Variants in ATL2 observed in about 807,000 individuals in gnomAD.
The protein encoded by ATL2 is atlastin-2.
ATL2 carries 31 observed loss-of-function variants against 73.9 expected under a neutral mutation model. That is an observed-to-expected ratio of 0.42 (90% CI 0.32 to 0.57). ATL2 has a LOEUF of 0.57. Among genes scored for constraint, ATL2 ranks in the 20% least tolerant of loss-of-function variants. The pLI is 0.14. For missense variants in ATL2, 738 were observed against 702.6 expected (o/e 1.05, Z -0.57); for synonymous variants, 291 against 237.5 (o/e 1.23, Z -2.07).
intron 2 of ATL2, among the ~76,000 whole-genome samples, chr2:38,326,620 G>A (rs1668677789): frequency 6.6e-6 from 1 of 152,166 alleles, no homozygotes; most frequent in African/African-American, 2.4e-5. Flanking sequence ...AGAAAATCTT[G>A]AAAGAAGCCA....
intron 2 of ATL2, among the ~76,000 whole-genome samples, chr2:38,325,772 A>C (rs1668622630): frequency 6.9e-6 from 1 of 145,548 alleles, no homozygotes; most frequent in African/African-American, 2.5e-5. Flanking sequence ...CAGTCCCCAC[A>C]ACAAAAGCCT....
intron 9 of ATL2, among the ~76,000 whole-genome samples, chr2:38,304,289 T>C (rs1459761131): frequency 1.3e-5 from 2 of 152,214 alleles, no homozygotes; most frequent in African/African-American, 2.4e-5. Flanking sequence ...CCTAGAATAG[T>C]ATATCCAGTG....
At chr2:38,350,242 C>T (rs1171158257) in intron 1 of ATL2, among the ~76,000 whole-genome samples, 1 of 152,188 alleles carries the variant, frequency 6.6e-6, no homozygotes, top group Non-Finnish European at 1.5e-5. Context: ...TTGTGATTCA[C>T]AGTTCCAAGT....
rs1271812746 is a variant in ATL2, at chr2:38,317,736, A to C, written c.603+799T>G. On this transcript the variant is annotated intron_variant, in intron 4 of 12. Coordinates refer to ENST00000378954, the MANE Select transcript of ATL2 (RefSeq NM_001135673.4). ...CCAAAAAAACAAAAATATACTCTCC[A>C]TATTACTGTGTCTGGTAGCCATCTA... Among the ~76,000 whole-genome samples, 5 of 152,212 alleles carry C rather than the reference A, an allele frequency of 3.3e-5. No individual in the cohort carries two copies. The East Asian group carries it at 9.6e-4, about 29-fold the overall frequency.
intron 2 of ATL2, among the ~76,000 whole-genome samples, chr2:38,325,970 AAGGAGCC>A (rs1465518790): frequency 2.0e-5 from 3 of 151,846 alleles, no homozygotes; most frequent in African/African-American, 7.3e-5. Context: ...CTAAAAAACT[AAGGAGCC>A]AGGTGCAGTG....
intron 2 of ATL2, among the ~76,000 whole-genome samples, chr2:38,325,692 A>C (rs1220493364): frequency 1.7e-5 from 1 of 58,548 alleles, no homozygotes; most frequent in Admixed American, 1.9e-4. Context: ...ACACACACAC[A>C]CACCAGTACA....
chr2:38,338,382 T>A lies in ATL2; in HGVS notation c.363+4886A>T, dbSNP rs911767679. ...TCAATACCTGGGTGACAAGATCAAT[T>A]GTACCCCAAACATCAGCATTAGGAA... On this transcript the variant is annotated intron_variant, in intron 2 of 12. Coordinates refer to ENST00000378954, the MANE Select transcript of ATL2 (RefSeq NM_001135673.4). Among the ~76,000 whole-genome samples, 7 of 152,254 alleles carry A rather than the reference T, an allele frequency of 4.6e-5. No individual in the cohort carries two copies. The East Asian group carries it at 1.2e-3, about 25-fold the overall frequency.
At chr2:38,325,510 A>G (rs138655889) in intron 2 of ATL2, among the ~76,000 whole-genome samples, 86 of 152,066 alleles carry the variant, frequency 5.7e-4, no homozygotes, top group Non-Finnish European at 7.9e-4. Flanking sequence ...GAACTCCACA[A>G]AATTCTCAAA....
At chr2:38,348,544 G>A (rs1296662024) in intron 1 of ATL2, among the ~76,000 whole-genome samples, 2 of 151,782 alleles carry the variant, frequency 1.3e-5, no homozygotes, top group African/African-American at 4.8e-5. Context: ...ATATCACAAT[G>A]ACCAAGTGTG....
At chr2:38,338,441 CCT>C (rs879537115) in intron 2 of ATL2, among the ~76,000 whole-genome samples, 23 of 151,904 alleles carry the variant, frequency 1.5e-4, no homozygotes, top group South Asian at 8.3e-4. Flanking sequence ...ACATATAGCC[CCT>C]GATTCTAAAA....
rs1573446878 is a variant in ATL2 at position 38,309,604 on chromosome 2, T to A, written c.944-98A>T. On this transcript the variant is annotated intron_variant, in intron 8 of 12. Transcript: ENST00000378954. ...TTCTGTTTTATGAAATAAGAATACA[T>A]AGTATCTATTACTGAAGTGGATTCA... 7 of 1,196,834 alleles carry A rather than the reference T, an allele frequency of 5.8e-6. No individual in the cohort carries two copies. The East Asian group carries it at 1.7e-4, about 29-fold the overall frequency. The allele number at this position is 1,196,834 out of a possible 1,614,324, so 74.1% of individuals were successfully genotyped here.
At chr2:38,306,938 G>A (rs1365004775) in intron 9 of ATL2, among the ~76,000 whole-genome samples, 3 of 152,188 alleles carry the variant, frequency 2.0e-5, no homozygotes, top group Non-Finnish European at 2.9e-5. Flanking sequence ...AATAAATGGT[G>A]CTGGGAAAAC....
chr2:38,333,537 T>C (rs954561415), intron 2 of ATL2, among the ~76,000 whole-genome samples: 2 of 152,166 alleles, frequency 1.3e-5, no homozygotes, highest in African/African-American at 4.8e-5. Context: ...TTTCAATAAA[T>C]AGCCTAAATA....
intron 7 of ATL2, 129 bp downstream of exon 7, chr2:38,313,022 C>T (rs1440209034): frequency 1.6e-6 from 1 of 606,746 alleles, no homozygotes; most frequent in Non-Finnish European, 2.9e-6. Flanking sequence ...AACAGAGTCA[C>T]TTGGGCTAAC....
intron 2 of ATL2, among the ~76,000 whole-genome samples, chr2:38,327,541 A>G (rs1304613318): frequency 2.2e-5 from 1 of 45,538 alleles, no homozygotes; most frequent in East Asian, 3.2e-4. Context: ...AAAAAAGTAC[A>G]AAAAAAAAAA....
chr2:38,314,624 T>C lies in ATL2; in HGVS notation c.695A>G (p.Tyr232Cys), dbSNP rs1038947599. The change falls in exon 6 of 13, where the codon TAC becomes TGC. Residue 232 changes from tyrosine (Y) to cysteine (C), a missense_variant. Physicochemically the swap from Tyr to Cys is radical, Grantham distance 194 (BLOSUM62 -2). Transcript: ENST00000378954. The stretch of plus-strand genomic sequence containing the variant: ...CTTTTTTACCTGAAATGGTTTCTGG[T>C]AGATTTCTTCCATCGCAAGTCTTCC... Reference protein sequence around the residue: ...EYGRLAMEEIYQKPFQTLMFL... With the variant: ...EYGRLAMEEICQKPFQTLMFL... 9.4e-6 allele frequency: 15 copies of C among 1,600,388 alleles called. No homozygotes were observed. Among genetic ancestry groups the C allele is most frequent in the Non-Finnish European group, 1.3e-5 (15 of 1,168,138 alleles).
intron 2 of ATL2, among the ~76,000 whole-genome samples, chr2:38,342,687 G>T (rs753933631): frequency 1.2e-4 from 18 of 152,094 alleles, no homozygotes; most frequent in African/African-American, 4.1e-4. Context: ...TGGCCAAAAG[G>T]AAAGTGTGAA....
rs553188555 is a variant in ATL2 at position 38,346,776 on chromosome 2, A to ACAGGCCACGGACGAGTAC, written c.119-3282_119-3265dup. 9.4e-4 allele frequency among the ~76,000 whole-genome samples: 143 copies of ACAGGCCACGGACGAGTAC among 152,276 alleles called. 1 individual carries two copies. Among genetic ancestry groups the ACAGGCCACGGACGAGTAC allele is most frequent in the African/African-American group, 3.2e-3 (134 of 41,550 alleles). ...CTCTTGCTGTGCGGCCCAGTTCCTAACAGGCCACGGACGAGTACCAGTCCA... is the reference window on the plus strand; with the variant it reads ...CTCTTGCTGTGCGGCCCAGTTCCTAACAGGCCACGGACGAGTACCAGGCCACGGACGAGTACCAGTCCA... On this transcript the variant is annotated intron_variant, in intron 1 of 12. Transcript: ENST00000378954.
chr2:38,350,057 T>C (rs1670252219), intron 1 of ATL2, among the ~76,000 whole-genome samples: 1 of 152,220 alleles, frequency 6.6e-6, no homozygotes, highest in Non-Finnish European at 1.5e-5. Flanking sequence ...TTAGGATACC[T>C]GTAAATACTG....
Sources: allele counts gnomAD v4.1 joint callset (sites outside exome capture counted in the v4.1 genomes callset), GRCh38; gene constraint gnomAD v4.1.1; transcripts MANE v1.5; gene names NCBI Gene and HGNC (gene_info 2026-07-23, HGNC 2026-07-21).